Variants in AKAP13 observed in about 807,000 individuals in gnomAD.
The protein encoded by AKAP13 is A-kinase anchoring protein 13, also known as A-kinase anchor protein 13.
In AKAP13, 80 loss-of-function variants were observed where a neutral mutation model predicts 264.5. The observed-to-expected ratio is 0.30, with a 90% CI of 0.25 to 0.36. The LOEUF is 0.36. Ranked by LOEUF, AKAP13 falls within the 10% of genes least tolerant of loss-of-function variation. The probability of loss-of-function intolerance (pLI) is 1.00; values close to 1 mark genes in which losing one functional copy is unlikely to be tolerated. For synonymous variants in AKAP13, 1,380 were observed against 1,250.2 expected, an observed-to-expected ratio of 1.10 and a Z score of -2.19; for missense variants, 3,712 against 3,435.2, an observed-to-expected ratio of 1.08 and a Z score of -2.01.
chr15:85,714,832 T>C (rs548655108), intron 19 of AKAP13, among the ~76,000 whole-genome samples: 11 of 152,134 alleles, frequency 7.2e-5, no homozygotes, highest in African/African-American at 2.4e-4. Context: ...CCAGGCATGG[T>C]GGCGGGTGCC....
chr15:85,387,618 C>T (rs1230050895), intron 1 of AKAP13, among the ~76,000 whole-genome samples: 1 of 152,092 alleles, frequency 6.6e-6, no homozygotes, highest in Non-Finnish European at 1.5e-5. Flanking sequence ...ACCCACCATG[C>T]CCAGCCTGCT....
chr15:85,408,947 T>G (rs7166874), intron 1 of AKAP13, among the ~76,000 whole-genome samples: 81,463 of 151,324 alleles, frequency 0.54, 23,060 homozygotes, highest in African/African-American at 0.65. Flanking sequence ...CTAACAGCAG[T>G]GCACAAGTGT....
At chr15:85,666,555 T>C (rs1465141386) in intron 13 of AKAP13, among the ~76,000 whole-genome samples, 2 of 152,170 alleles carry the variant, frequency 1.3e-5, no homozygotes, top group African/African-American at 4.8e-5. Context: ...TATTTATTTA[T>C]TTACTTATTT....
At chr15:85,488,169 C>T (rs2075619626) in intron 2 of AKAP13, among the ~76,000 whole-genome samples, 1 of 152,198 alleles carries the variant, frequency 6.6e-6, no homozygotes, top group Admixed American at 6.5e-5. Flanking sequence ...ACAGTATGAG[C>T]CATCCTGCCT....
chr15:85,616,713 C>G (rs767654003), intron 8 of AKAP13, among the ~76,000 whole-genome samples: 6 of 152,208 alleles, frequency 3.9e-5, no homozygotes, highest in Non-Finnish European at 7.3e-5. Flanking sequence ...TGCTGTATTT[C>G]AAAATCCTGG....
At chr15:85,391,249 T>C (rs912021130) in intron 1 of AKAP13, among the ~76,000 whole-genome samples, 1 of 152,200 alleles carries the variant, frequency 6.6e-6, no homozygotes, top group African/African-American at 2.4e-5. Context: ...AAACTTTTCT[T>C]CTCTAAGCAT....
intron 8 of AKAP13, 49 bp from the exon 9 acceptor site, chr15:85,639,325 T>C: frequency 7.4e-7 from 1 of 1,349,676 alleles, no homozygotes; most frequent in Non-Finnish European, 1.1e-6. Flanking sequence ...TGTAAAATTA[T>C]CTCACATTAC....
intron 18 of AKAP13, among the ~76,000 whole-genome samples, chr15:85,709,379 C>T (rs1293622888): frequency 6.6e-6 from 1 of 152,130 alleles, no homozygotes; most frequent in Non-Finnish European, 1.5e-5. Context: ...GAGTTGGCTC[C>T]ATCAGTGGCG....
At chr15:85,554,268 A>G (rs2078062254) in intron 5 of AKAP13, among the ~76,000 whole-genome samples, 1 of 152,208 alleles carries the variant, frequency 6.6e-6, no homozygotes, top group Non-Finnish European at 1.5e-5. Flanking sequence ...TATGTACCTC[A>G]TAGATCTGTT....
intron 1 of AKAP13, among the ~76,000 whole-genome samples, chr15:85,431,614 G>A (rs2073027108): frequency 6.6e-6 from 1 of 152,242 alleles, no homozygotes; most frequent in East Asian, 1.9e-4. Flanking sequence ...ATGAGGTGCT[G>A]GTTACCTTGC....
Position 85,580,753 on chromosome 15 carries a change from A to G in AKAP13, c.2685A>G (p.Gln895=), listed in dbSNP as rs1299168617. 1 of 1,614,136 alleles carries G rather than the reference A, an allele frequency of 6.2e-7. No homozygotes were observed. The highest frequency in any genetic ancestry group is 1.1e-5 in the South Asian group (1 of 91,080). Residue 895 remains glutamine (Q), a synonymous_variant, in exon 7 of 37, where the codon CAA becomes CAG. Transcript: ENST00000394518. ...NIKGNTDSSL[Q]SVGKATLALD... is the part of the protein sequence containing the mutation. ...AGGGGAACACTGACTCTTCCCTGCA[A>G]AGTGTGGGTAAGGCCACTTTGGCTT...
chr15:85,677,989 T>G (rs1485745833), intron 14 of AKAP13, among the ~76,000 whole-genome samples: 62 of 152,050 alleles, frequency 4.1e-4, no homozygotes, highest in Non-Finnish European at 5.9e-5. Flanking sequence ...TCTCTCCTTT[T>G]GAACTTTTAT....
At chr15:85,528,406 G>A (rs1325096531) in intron 3 of AKAP13, among the ~76,000 whole-genome samples, 1 of 152,156 alleles carries the variant, frequency 6.6e-6, no homozygotes, top group East Asian at 1.9e-4. Context: ...TCTTTGTAGA[G>A]TATTAGGGAT....
rs977450842 is a variant in AKAP13, at chr15:85,571,258, G to T, written c.663-3873G>T. 1.6e-4 allele frequency among the ~76,000 whole-genome samples: 20 copies of T among 121,572 alleles called. No homozygotes were observed. The East Asian group carries it at 4.6e-3, about 28-fold the overall frequency. The allele number at this position is 121,572 out of a possible 152,430, so 79.8% of individuals were successfully genotyped here. On this transcript the variant is annotated intron_variant, in intron 5 of 36. Coordinates refer to ENST00000394518, the MANE Select transcript of AKAP13 (RefSeq NM_007200.5). ...TTATATTTGTGCGTTTTACAGACTA[G>T]ACTTATGTACTTTTTTTTTACTTTT...
At chr15:85,600,990 C>G (rs2080037008) in intron 8 of AKAP13, among the ~76,000 whole-genome samples, 1 of 152,196 alleles carries the variant, frequency 6.6e-6, no homozygotes, top group Non-Finnish European at 1.5e-5. Context: ...GCCAGATCTT[C>G]TACTTTGACA....
intron 6 of AKAP13, chr15:85,577,695 A>G: frequency 1.6e-6 from 1 of 642,720 alleles, no homozygotes; most frequent in Non-Finnish European, 1.9e-6. Flanking sequence ...TCCATAATAT[A>G]CTCTGACAGT....
At chr15:85,476,444 TAGA>T (rs2075166377) in intron 1 of AKAP13, among the ~76,000 whole-genome samples, 1 of 152,246 alleles carries the variant, frequency 6.6e-6, no homozygotes, top group African/African-American at 2.4e-5. Context: ...CTGAATGTGA[TAGA>T]AGGTTAGTGC....
chr15:85,489,324 G>A (rs1306542622), intron 2 of AKAP13, among the ~76,000 whole-genome samples: 2 of 152,174 alleles, frequency 1.3e-5, no homozygotes, highest in African/African-American at 2.4e-5. Context: ...ACTTGAGCAG[G>A]CTCTACTGAA....
At chr15:85,628,513 G>T (rs1435669464) in intron 8 of AKAP13, among the ~76,000 whole-genome samples, 1 of 152,204 alleles carries the variant, frequency 6.6e-6, no homozygotes, top group Non-Finnish European at 1.5e-5. Flanking sequence ...ATTCAGAAGA[G>T]AGAACCTGCC....
Sources: allele counts gnomAD v4.1 joint callset (sites outside exome capture counted in the v4.1 genomes callset), GRCh38; gene constraint gnomAD v4.1.1; transcripts MANE v1.5; gene names NCBI Gene and HGNC (gene_info 2026-07-23, HGNC 2026-07-21).